PSMD5: variants seen among roughly 807,000 people sequenced by gnomAD.
The protein encoded by PSMD5 is proteasome 26S subunit, non-ATPase 5.
A neutral mutation model predicts 52.1 loss-of-function variants in PSMD5; 40 were observed. That is an observed-to-expected ratio of 0.77 (90% CI 0.60 to 1.00). PSMD5 has a LOEUF of 1.00. Among genes scored for constraint, PSMD5 ranks in the 50% least tolerant of loss-of-function variants. PSMD5 has a pLI of 0.00. For missense variants in PSMD5, 575 were observed against 605.2 expected, an observed-to-expected ratio of 0.95 and a Z score of 0.52; for synonymous variants, 211 against 226.6, an observed-to-expected ratio of 0.93 and a Z score of 0.62.
rs763373278 is a variant in PSMD5, at chr9:120,842,913, GC to G, written c.-5del. The G allele has an allele frequency of 1.4e-5, 22 of 1,574,262 alleles. No homozygotes were observed. In the African/African-American group the frequency reaches 2.2e-4, roughly 15 times the overall value. ...GCGCCAAAGCCTGGGCTGCCATCTT[GC>G]CCCCCGACGCAGGGGCTGGCCCAGC... On this transcript the variant is annotated 5_prime_UTR_variant, in exon 1 of 10. Transcript: ENST00000210313.
intron 1 of PSMD5, among the ~76,000 whole-genome samples, chr9:120,839,318 G>A (rs1464154894): frequency 6.6e-6 from 1 of 152,198 alleles, no homozygotes; most frequent in Non-Finnish European, 1.5e-5. Context: ...CAGGCAATGG[G>A]AAACCACGGA....
chr9:120,838,789 T>G (rs2045215197), intron 1 of PSMD5, among the ~76,000 whole-genome samples: 1 of 152,152 alleles, frequency 6.6e-6, no homozygotes, highest in Non-Finnish European at 1.5e-5. Flanking sequence ...TCATCTCTAA[T>G]AGGAGAGGTT....
intron 9 of PSMD5, among the ~76,000 whole-genome samples, chr9:120,820,482 AAAAC>A (rs1263292424): frequency 2.6e-5 from 4 of 152,224 alleles, no homozygotes; most frequent in African/African-American, 7.2e-5. Flanking sequence ...CCAGAGACAC[AAAAC>A]AAACAGTTTG....
At chr9:120,836,652 C>T (rs552284870) in intron 1 of PSMD5, among the ~76,000 whole-genome samples, 4 of 152,148 alleles carry the variant, frequency 2.6e-5, no homozygotes, top group African/African-American at 9.7e-5. Context: ...CTGCCTTGGC[C>T]TCCCAAAGTG....
intron 1 of PSMD5, among the ~76,000 whole-genome samples, chr9:120,837,721 C>G (rs2045207907): frequency 6.6e-6 from 1 of 152,198 alleles, no homozygotes; most frequent in Non-Finnish European, 1.5e-5. Flanking sequence ...TATACACCTA[C>G]CATACCATCT....
intron 3 of PSMD5, 102 bp from the exon 4 acceptor site, chr9:120,831,561 G>T: frequency 7.4e-7 from 1 of 1,350,830 alleles, no homozygotes; most frequent in Non-Finnish European, 1.0e-6. Flanking sequence ...CCTTGCCCAT[G>T]TTTTAGCTAT....
At chr9:120,833,551 CACACAGACTTCTTTTTGAAACAGCAGCTT>C in intron 1 of PSMD5, 95 bp from the exon 2 acceptor site, 1 of 1,289,620 alleles carries the variant, frequency 7.8e-7, no homozygotes, top group Non-Finnish European at 1.1e-6. Context: ...GCGTCTCCTC[CACACAGACTTCTTTTTGAAACAGCAGCTT>C]TCACTCACCT....
rs897838230 is a variant in PSMD5 at position 120,840,275 on chromosome 9, G to A, written c.173+2462C>T. ...AGTAGCTGGGACTATAGGCACGCACGCCCAGTTAATTTTTTGTTTTGTTTT... is the reference window on the plus strand; with the variant it reads ...AGTAGCTGGGACTATAGGCACGCACACCCAGTTAATTTTTTGTTTTGTTTT... On this transcript the variant is annotated intron_variant, in intron 1 of 9. Coordinates refer to ENST00000210313, the MANE Select transcript of PSMD5 (RefSeq NM_005047.4). Among the ~76,000 whole-genome samples the A allele has an allele frequency of 4.7e-5, 7 of 150,100 alleles. No homozygotes were observed. In the Middle Eastern group the frequency reaches 0.01, roughly 225 times the overall value.
intron 1 of PSMD5, chr9:120,842,530 G>C: frequency 1.6e-6 from 1 of 608,618 alleles, no homozygotes; most frequent in Non-Finnish European, 2.8e-6. Context: ...GCCAGGCGAC[G>C]GGAGAAAACA....
intron 7 of PSMD5, 141 bp downstream of exon 7, chr9:120,824,353 A>G (rs756099935): frequency 2.5e-6 from 2 of 792,370 alleles, no homozygotes; most frequent in Admixed American, 2.4e-5. Flanking sequence ...ATTTTCAGAC[A>G]TGAGTACAAG....
chr9:120,842,828 C>T lies in PSMD5; in HGVS notation c.82G>A (p.Val28Met), dbSNP rs773181424. ...TCGTTGAGCGGCACTGCCTGCAGCACGGAGTGAAGCGCGCGTAGCTCCTCC... is the reference window on the plus strand; with the variant it reads ...TCGTTGAGCGGCACTGCCTGCAGCATGGAGTGAAGCGCGCGTAGCTCCTCC... ...PLEELRALHS[V>M]LQAVPLNELR... Residue 28 changes from valine to methionine, a missense_variant, in exon 1 of 10, where the codon GTG (valine) becomes ATG (methionine). Val to Met is a conservative substitution (Grantham distance 21). Transcript: ENST00000210313. 3 of 1,610,884 alleles carry T rather than the reference C, an allele frequency of 1.9e-6. No homozygotes were observed. Among genetic ancestry groups the T allele is most frequent in the East Asian group, 4.5e-5 (2 of 44,856 alleles).
At chr9:120,831,696 A>G in intron 3 of PSMD5, 136 bp downstream of exon 3, 2 of 1,331,482 alleles carry the variant, frequency 1.5e-6, no homozygotes, top group Admixed American at 5.3e-5. Context: ...ATTTTACACA[A>G]TCCATATGAA....
chr9:120,817,873 A>G lies in PSMD5; in HGVS notation c.*33T>C, dbSNP rs778520706. 13 of 1,575,156 alleles carry G rather than the reference A, an allele frequency of 8.3e-6. No homozygotes were observed. The highest frequency in any genetic ancestry group is 1.4e-5 in the African/African-American group (1 of 73,634). On this transcript the variant is annotated 3_prime_UTR_variant, in exon 10 of 10. Transcript: ENST00000210313. ...AATGCCTTAGGAGAAGTTTTGGTCA[A>G]AACGTGGTCCTCTACATGAGCTCTA...
chr9:120,828,443 C>CTTTTTT (rs34354549), intron 5 of PSMD5, among the ~76,000 whole-genome samples: 2 of 132,586 alleles, frequency 1.5e-5, no homozygotes, highest in Admixed American at 7.9e-5. Flanking sequence ...AGCTCATATT[C>CTTTTTT]TTTTTTTTTT....
At chr9:120,836,889 GA>G (rs1368173361) in intron 1 of PSMD5, among the ~76,000 whole-genome samples, 1 of 146,126 alleles carries the variant, frequency 6.8e-6, no homozygotes, top group Non-Finnish European at 1.5e-5. Flanking sequence ...TCGAAGAACC[GA>G]TTTTTTTTTT....
At chr9:120,819,255 C>A (rs974836356) in intron 9 of PSMD5, among the ~76,000 whole-genome samples, 1 of 152,126 alleles carries the variant, frequency 6.6e-6, no homozygotes, top group Non-Finnish European at 1.5e-5. Flanking sequence ...TTTCAGGATC[C>A]CAGGCTCTGC....
intron 2 of PSMD5, among the ~76,000 whole-genome samples, chr9:120,832,562 A>C (rs1240200003): frequency 6.6e-6 from 1 of 152,118 alleles, no homozygotes; most frequent in Non-Finnish European, 1.5e-5. Context: ...ATGCCCAGCT[A>C]ATTTCTGTAT....
Position 120,817,709 on chromosome 9 carries a change from C to T in PSMD5, c.*197G>A, listed in dbSNP as rs899226646. 3 of 616,434 alleles carry T rather than the reference C, an allele frequency of 4.9e-6. No homozygotes were observed. The highest frequency in any genetic ancestry group is 5.5e-5 in the East Asian group (2 of 36,106). The allele number at this position is 616,434 out of a possible 1,614,324, so 38.2% of individuals were successfully genotyped here. ...TCTATTATGACCAAGCTTGTCTGCT[C>T]TTAATGCATTCCAAACTCCTAGTTC... is the stretch of plus-strand genomic sequence containing the variant. On this transcript the variant is annotated 3_prime_UTR_variant, in exon 10 of 10. Coordinates refer to ENST00000210313, the MANE Select transcript of PSMD5 (RefSeq NM_005047.4).
At chr9:120,833,534 T>TGCGTCA in intron 1 of PSMD5, 78 bp from the exon 2 acceptor site, 2 of 1,423,766 alleles carry the variant, frequency 1.4e-6, no homozygotes, top group Admixed American at 2.0e-5. Context: ...AGCTGAAGCT[T>TGCGTCA]GCGTCAGCGT....
Sources: gnomAD v4.1 joint callset for allele counts (sites outside exome capture counted in the v4.1 genomes callset) on GRCh38, gnomAD v4.1.1 for gene constraint, MANE v1.5 for transcripts, NCBI Gene and HGNC (gene_info 2026-07-23, HGNC 2026-07-21) for gene names.